Variants in BMP7 observed in about 807,000 individuals in gnomAD.
BMP7 encodes the protein bone morphogenetic protein 7.
In BMP7, 12 loss-of-function variants were observed where a neutral mutation model predicts 41.2. That is an observed-to-expected ratio of 0.29 (90% confidence interval 0.19 to 0.47). The LOEUF (loss-of-function observed/expected upper bound fraction) is 0.47. BMP7 is among the 20% of genes least tolerant of loss of function. The pLI is 0.99. For synonymous variants in BMP7, 248 were observed against 250.0 expected, an observed-to-expected ratio of 0.99 and a Z score of 0.07; for missense variants, 467 against 606.0, an observed-to-expected ratio of 0.77 and a Z score of 2.41.
intron 1 of BMP7, among the ~76,000 whole-genome samples, chr20:57,247,699 G>A (rs1329082918): frequency 1.3e-5 from 2 of 152,166 alleles, no homozygotes; most frequent in Non-Finnish European, 2.9e-5. Context: ...CTTTCAAGCA[G>A]CTCTCCACCC....
chr20:57,200,388 C>T (rs1984592971), intron 3 of BMP7, among the ~76,000 whole-genome samples: 1 of 152,192 alleles, frequency 6.6e-6, no homozygotes, highest in African/African-American at 2.4e-5. Flanking sequence ...AATGCTGAGC[C>T]TTTCTCCATA....
intron 2 of BMP7, among the ~76,000 whole-genome samples, chr20:57,208,337 T>C (rs1420822123): frequency 1.3e-5 from 2 of 152,200 alleles, no homozygotes; most frequent in Non-Finnish European, 2.9e-5. Context: ...GAAAAGATGC[T>C]AAACATCATC....
At chr20:57,244,227 T>C (rs1316197262) in intron 1 of BMP7, among the ~76,000 whole-genome samples, 2 of 152,118 alleles carry the variant, frequency 1.3e-5, no homozygotes, top group Non-Finnish European at 2.9e-5. Flanking sequence ...GCCCAGGTGA[T>C]GGTGATAATG....
At chr20:57,218,862 G>A (rs1169554923) in intron 2 of BMP7, among the ~76,000 whole-genome samples, 1 of 150,438 alleles carries the variant, frequency 6.6e-6, no homozygotes, top group Non-Finnish European at 1.5e-5. Flanking sequence ...TTTGCTGGTA[G>A]CTGGTGTTTG....
chr20:57,251,787 A>T (rs1172928723), intron 1 of BMP7, among the ~76,000 whole-genome samples: 4 of 152,130 alleles, frequency 2.6e-5, no homozygotes, highest in Admixed American at 2.6e-4. Flanking sequence ...TACAAAAATT[A>T]TCTGGGCGTG....
chr20:57,243,340 G>T (rs887791729), intron 1 of BMP7, among the ~76,000 whole-genome samples: 1 of 151,718 alleles, frequency 6.6e-6, no homozygotes, highest in African/African-American at 2.4e-5. Flanking sequence ...TTAGCTAGGC[G>T]TGGTGGTGCA....
intron 2 of BMP7, among the ~76,000 whole-genome samples, chr20:57,216,093 G>A (rs915829678): frequency 6.6e-6 from 1 of 152,232 alleles, no homozygotes; most frequent in Non-Finnish European, 1.5e-5. Context: ...AGGCCAGAGC[G>A]GGCTGTTCTA....
At chr20:57,175,930 T>C (rs1378655032) in intron 4 of BMP7, among the ~76,000 whole-genome samples, 2 of 152,192 alleles carry the variant, frequency 1.3e-5, no homozygotes, top group African/African-American at 2.4e-5. Context: ...CCACCTGCAA[T>C]GCCCCTCCCT....
chr20:57,261,564 G>A lies in BMP7; in HGVS notation c.418+4141C>T, dbSNP rs1031063235. ...AGCAGGAAAATGAGGTTTAAAAGAAGTGATTTTGAAAGGGTTACGAAAAAC... is the reference window on the plus strand; with the variant it reads ...AGCAGGAAAATGAGGTTTAAAAGAAATGATTTTGAAAGGGTTACGAAAAAC... On this transcript the variant is annotated intron_variant, in intron 1 of 6. Coordinates refer to ENST00000395863, the MANE Select transcript of BMP7 (RefSeq NM_001719.3). This position sits in a 1 kb window ranked among gnomAD's most constrained non-coding sequence, Gnocchi z 4.1. 2.0e-5 allele frequency among the ~76,000 whole-genome samples: 3 copies of A among 152,230 alleles called. No homozygotes were observed. Among genetic ancestry groups the A allele is most frequent in the African/African-American group, 4.8e-5 (2 of 41,458 alleles).
chr20:57,252,054 C>G (rs1160806482), intron 1 of BMP7, among the ~76,000 whole-genome samples: 1 of 152,224 alleles, frequency 6.6e-6, no homozygotes, highest in Admixed American at 6.5e-5. Flanking sequence ...CAGACAGAAA[C>G]TATTGTAGGC....
At chr20:57,246,988 C>CAA (rs10625549) in intron 1 of BMP7, among the ~76,000 whole-genome samples, 22,303 of 150,864 alleles carry the variant, frequency 0.15, 1,781 homozygotes, top group Admixed American at 0.22. Flanking sequence ...GACTCCATCT[C>CAA]AAAAAAAAAC....
rs1984933720 is a variant in BMP7, at chr20:57,213,136, A to G, written c.612-10513T>C. Among the ~76,000 whole-genome samples, 1 of 151,922 alleles carries G rather than the reference A, an allele frequency of 6.6e-6. No individual in the cohort carries two copies. The highest frequency in any genetic ancestry group is 2.1e-4 in the South Asian group (1 of 4,812). On this transcript the variant is annotated intron_variant, in intron 2 of 6. Transcript: ENST00000395863. This position sits in a 1 kb window ranked among gnomAD's most constrained non-coding sequence, Gnocchi z 4.4. ...GTGGCCACCCACGGCCCTCTCACCC[A>G]CCCCACGGCTGTCTGTCTCCCTCTG...
intron 2 of BMP7, among the ~76,000 whole-genome samples, chr20:57,227,277 C>T (rs2066011041): frequency 6.6e-6 from 1 of 152,152 alleles, no homozygotes; most frequent in Non-Finnish European, 1.5e-5. Flanking sequence ...TACAGATAAG[C>T]CACCACTTCT....
chr20:57,176,640 A>G, intron 4 of BMP7, among the ~76,000 whole-genome samples: 1 of 152,000 alleles, frequency 6.6e-6, no homozygotes, highest in East Asian at 1.9e-4. Flanking sequence ...AAATGAAGAG[A>G]GCTCCTATAA....
intron 3 of BMP7, among the ~76,000 whole-genome samples, chr20:57,193,746 C>A (rs560132003): frequency 6.6e-5 from 10 of 152,330 alleles, no homozygotes; most frequent in African/African-American, 2.4e-4. Context: ...TTGGGGTGAA[C>A]TTACCTTGGC....
chr20:57,200,407 A>G (rs959119144), intron 3 of BMP7, among the ~76,000 whole-genome samples: 6 of 152,110 alleles, frequency 3.9e-5, no homozygotes, highest in African/African-American at 1.4e-4. Flanking sequence ...TAACCTGGAC[A>G]ATGGGGGAGT....
chr20:57,255,799 CAA>C (rs3067106), intron 1 of BMP7, among the ~76,000 whole-genome samples: 5,519 of 47,734 alleles, frequency 0.12, 26 homozygotes, highest in Non-Finnish European at 0.15. Context: ...GACTCCATCT[CAA>C]AAAAAAAAAA....
intron 4 of BMP7, among the ~76,000 whole-genome samples, chr20:57,176,789 C>CACACACA (rs1395553513): frequency 3.3e-5 from 5 of 150,754 alleles, no homozygotes; most frequent in Admixed American, 2.6e-4. Flanking sequence ...CACACACACA[C>CACACACA]ACCTGTTAAC....
intron 2 of BMP7, among the ~76,000 whole-genome samples, chr20:57,210,042 T>A (rs1297231767): frequency 6.6e-6 from 1 of 152,154 alleles, no homozygotes; most frequent in Non-Finnish European, 1.5e-5. Context: ...ACACGTCTGT[T>A]GTCTATAAAC....
Sources: allele counts gnomAD v4.1 joint callset (sites outside exome capture counted in the v4.1 genomes callset), GRCh38; gene constraint gnomAD v4.1.1; non-coding constraint Gnocchi (gnomAD v3.1); transcripts MANE v1.5; gene names NCBI Gene and HGNC (gene_info 2026-07-23, HGNC 2026-07-21).